The following DLGAP2 variants were observed in gnomAD, a reference collection of about 807,000 sequenced individuals.
DLGAP2 encodes the protein DLG associated protein 2.
Under a neutral mutation model 100.3 loss-of-function variants are expected in DLGAP2, and 26 were observed. That is an observed-to-expected ratio of 0.26 (90% CI 0.19 to 0.36). The LOEUF is 0.36. DLGAP2 is among the 10% of genes least tolerant of loss of function. DLGAP2 has a pLI of 1.00. For missense variants in DLGAP2, 1,858 were observed against 1,453.2 expected (o/e 1.28, Z -4.53); for synonymous variants, 886 against 630.1 (o/e 1.41, Z -6.08).
chr8:1,448,022 C>G (rs1378515794), intron 3 of DLGAP2, among the ~76,000 whole-genome samples: 2 of 151,980 alleles, frequency 1.3e-5, no homozygotes, highest in African/African-American at 2.4e-5. Flanking sequence ...TTTTGTTGAT[C>G]TTTTCAAAAA....
At chr8:1,505,343 A>G (rs1458888094) in intron 4 of DLGAP2, among the ~76,000 whole-genome samples, 7 of 152,250 alleles carry the variant, frequency 4.6e-5, no homozygotes, top group African/African-American at 9.6e-5. Flanking sequence ...TCATAAAGCA[A>G]TGAAGTGACA....
At chr8:1,692,807 C>T (rs1425278534) in intron 13 of DLGAP2, among the ~76,000 whole-genome samples, 3 of 151,462 alleles carry the variant, frequency 2.0e-5, no homozygotes, top group Non-Finnish European at 2.9e-5. Flanking sequence ...CTTGGTTATT[C>T]CTGACAAGCA....
intron 1 of DLGAP2, among the ~76,000 whole-genome samples, chr8:842,295 G>A (rs1489133275): frequency 6.6e-6 from 1 of 152,168 alleles, no homozygotes; most frequent in Non-Finnish European, 1.5e-5. Context: ...CAGTTTTTCT[G>A]TGTCCTTTAT....
intron 3 of DLGAP2, among the ~76,000 whole-genome samples, chr8:1,335,134 A>T (rs11988836): frequency 0.35 from 53,049 of 152,058 alleles, 10,621 homozygotes; most frequent in African/African-American, 0.55. Flanking sequence ...ACGGTGGTTG[A>T]GTCACTGCCC....
chr8:1,371,608 T>A (rs1211284419), intron 3 of DLGAP2, among the ~76,000 whole-genome samples: 1 of 152,238 alleles, frequency 6.6e-6, no homozygotes, highest in African/African-American at 2.4e-5. Flanking sequence ...AATTTGAAGA[T>A]CTTTTATGTT....
intron 1 of DLGAP2, among the ~76,000 whole-genome samples, chr8:854,622 C>T (rs1563064974): frequency 1.3e-5 from 2 of 152,040 alleles, no homozygotes; most frequent in Non-Finnish European, 2.9e-5. Context: ...CATGTTCATG[C>T]ATGTACGTGT....
At chr8:1,370,334 T>A (rs1802207537) in intron 3 of DLGAP2, among the ~76,000 whole-genome samples, 1 of 152,046 alleles carries the variant, frequency 6.6e-6, no homozygotes, top group African/African-American at 2.4e-5. Context: ...AGCCAAACCC[T>A]TGCTCTCCCT....
At chr8:1,594,383 G>A (rs549428398) in intron 6 of DLGAP2, among the ~76,000 whole-genome samples, 1 of 152,236 alleles carries the variant, frequency 6.6e-6, no homozygotes, top group South Asian at 2.1e-4. Context: ...TAAGTAAAGT[G>A]ACAGGACATA....
chr8:1,291,836 C>T (rs1373824545), intron 3 of DLGAP2, among the ~76,000 whole-genome samples: 3 of 152,152 alleles, frequency 2.0e-5, no homozygotes, highest in African/African-American at 7.2e-5. Flanking sequence ...CTTTGTACTG[C>T]TCAGCAGGCC....
intron 2 of DLGAP2, among the ~76,000 whole-genome samples, chr8:990,269 A>C (rs1016320717): frequency 6.6e-6 from 1 of 151,634 alleles, no homozygotes; most frequent in Admixed American, 6.6e-5. Flanking sequence ...CCTGCGCTGC[A>C]TGGGAATCGA....
At chr8:1,265,920 T>C in intron 3 of DLGAP2, among the ~76,000 whole-genome samples, 1 of 152,158 alleles carries the variant, frequency 6.6e-6, no homozygotes, top group Admixed American at 6.5e-5. Flanking sequence ...CTCAGGTATT[T>C]TTATAGATAA....
At chr8:1,033,346 A>G (rs1246861631) in intron 2 of DLGAP2, among the ~76,000 whole-genome samples, 2 of 152,182 alleles carry the variant, frequency 1.3e-5, no homozygotes, top group Non-Finnish European at 2.9e-5. Flanking sequence ...AGAAGGGAGA[A>G]AAATGGGATG....
chr8:940,308 G>T (rs1022086743), intron 2 of DLGAP2, among the ~76,000 whole-genome samples: 1 of 152,000 alleles, frequency 6.6e-6, no homozygotes, highest in Non-Finnish European at 1.5e-5. Flanking sequence ...CAATGCCTGC[G>T]ACATGAGGTG....
At chr8:981,640 C>T (rs1340975119) in intron 2 of DLGAP2, among the ~76,000 whole-genome samples, 6 of 152,090 alleles carry the variant, frequency 3.9e-5, no homozygotes, top group Admixed American at 3.3e-4. Flanking sequence ...TGGTATCTCA[C>T]TGTGTTTTAT....
intron 3 of DLGAP2, among the ~76,000 whole-genome samples, chr8:1,480,519 C>T (rs1425046690): frequency 2.6e-5 from 4 of 152,158 alleles, no homozygotes; most frequent in African/African-American, 7.2e-5. Context: ...GTCCATCACT[C>T]ATCAGTGATT....
rs112727923 is a variant in DLGAP2, at chr8:1,439,302, G to A, written c.107-62064G>A. Among the ~76,000 whole-genome samples the A allele has an allele frequency of 1.2e-4, 19 of 152,320 alleles. No homozygotes were observed. In the East Asian group the frequency reaches 2.9e-3, roughly 23 times the overall value. ...GGGAAGGGAAGGAGGGACAGAGGCT[G>A]TGGGGGTTTTAGGAGGAAGCTTCGC... On this transcript the variant is annotated intron_variant, in intron 3 of 14. Coordinates refer to ENST00000637795, the MANE Select transcript of DLGAP2 (RefSeq NM_001346810.2).
intron 3 of DLGAP2, among the ~76,000 whole-genome samples, chr8:1,260,261 A>G (rs1799319189): frequency 6.6e-6 from 1 of 152,158 alleles, no homozygotes; most frequent in Non-Finnish European, 1.5e-5. Flanking sequence ...CCACCAGGGA[A>G]TGCATATCAT....
At chr8:1,668,797 G>C in intron 9 of DLGAP2, 119 bp downstream of exon 9, 1 of 970,262 alleles carries the variant, frequency 1.0e-6, no homozygotes, top group Non-Finnish European at 1.5e-6. Flanking sequence ...ACCCCAGCAG[G>C]GCTGTGGAAT....
At chr8:1,178,648 C>A (rs912878010) in intron 2 of DLGAP2, among the ~76,000 whole-genome samples, 2 of 152,090 alleles carry the variant, frequency 1.3e-5, no homozygotes, top group Non-Finnish European at 2.9e-5. Context: ...AAATGCAGCT[C>A]AGCTCTCAAA....
Sources: allele counts gnomAD v4.1 joint callset (sites outside exome capture counted in the v4.1 genomes callset), GRCh38; gene constraint gnomAD v4.1.1; transcripts MANE v1.5; gene names NCBI Gene and HGNC (gene_info 2026-07-23, HGNC 2026-07-21).